The following ZNF670 variants were observed in gnomAD, a reference collection of about 807,000 sequenced individuals.
ZNF670 encodes the protein zinc finger protein 670.
In ZNF670, 7 loss-of-function variants were observed where a neutral mutation model predicts 10.9. The ratio of observed to expected loss-of-function variants is 0.64; its 90% CI spans 0.36 to 1.20. The LOEUF (loss-of-function observed/expected upper bound fraction) is 1.20. Among genes scored for constraint, ZNF670 ranks in the 50% most tolerant of loss-of-function variants. The probability of loss-of-function intolerance (pLI) is 0.02; values close to 1 mark genes in which losing one functional copy is unlikely to be tolerated. For missense variants in ZNF670, 446 were observed against 458.6 expected (o/e 0.97, Z 0.25); for synonymous variants, 136 against 152.7 (o/e 0.89, Z 0.81).
intron 1 of ZNF670, among the ~76,000 whole-genome samples, chr1:247,077,660 G>A (rs554253930): frequency 6.6e-6 from 1 of 152,186 alleles, no homozygotes; most frequent in African/African-American, 2.4e-5. Flanking sequence ...TACAATAAAA[G>A]ACAAATACTT....
At chr1:247,054,461 G>A (rs1437675265) in intron 1 of ZNF670, among the ~76,000 whole-genome samples, 2 of 152,212 alleles carry the variant, frequency 1.3e-5, no homozygotes, top group Admixed American at 1.3e-4. Context: ...TTTGATAAGA[G>A]CTCAGCTCCA....
intron 1 of ZNF670, among the ~76,000 whole-genome samples, chr1:247,045,159 T>C (rs140056674): frequency 6.6e-6 from 1 of 152,278 alleles, no homozygotes; most frequent in East Asian, 1.9e-4. Flanking sequence ...AGTACGTGTA[T>C]AGGAAAAACC....
chr1:247,038,703 GAA>G, intron 3 of ZNF670, 105 bp downstream of exon 3: 3 of 948,970 alleles, frequency 3.2e-6, no homozygotes, highest in Non-Finnish European at 4.6e-6. Flanking sequence ...GACTTTTCTG[GAA>G]AAAAAAAATT....
In ZNF670 at chr1:247,035,482, A is replaced by C. The variant is rs552088563; in HGVS notation, c.*1967T>G. On this transcript the variant is annotated 3_prime_UTR_variant, in exon 4 of 4. Coordinates refer to ENST00000366503, the MANE Select transcript of ZNF670 (RefSeq NM_033213.5). ...TGGTTTGTTTAAATGCATCTGTGGA[A>C]TGGTAGGCAACTGAAATATGTTAGG... Among the ~76,000 whole-genome samples the C allele has an allele frequency of 2.0e-5, 3 of 152,310 alleles. No individual in the cohort carries two copies. Among genetic ancestry groups the C allele is most frequent in the African/African-American group, 7.2e-5 (3 of 41,560 alleles).
At chr1:247,059,832 T>C (rs1240916564) in intron 1 of ZNF670, among the ~76,000 whole-genome samples, 2 of 152,228 alleles carry the variant, frequency 1.3e-5, no homozygotes, top group Non-Finnish European at 1.5e-5. Context: ...GTAAGGTTAA[T>C]ATACAAAAGC....
chr1:247,057,158 A>C (rs1670739433), intron 1 of ZNF670, among the ~76,000 whole-genome samples: 1 of 152,238 alleles, frequency 6.6e-6, no homozygotes, highest in African/African-American at 2.4e-5. Flanking sequence ...AGGAAAAAAA[A>C]TTCTAATAAT....
chr1:247,057,750 A>G (rs1297145048), intron 1 of ZNF670, among the ~76,000 whole-genome samples: 2 of 152,216 alleles, frequency 1.3e-5, no homozygotes, highest in African/African-American at 4.8e-5. Flanking sequence ...CAAACTTCAC[A>G]TGTTCTCACT....
chr1:247,067,399 G>A (rs913633605), intron 1 of ZNF670, among the ~76,000 whole-genome samples: 5 of 139,134 alleles, frequency 3.6e-5, no homozygotes, highest in Non-Finnish European at 6.0e-5. Context: ...TCATGCCATT[G>A]CACTCCAGCC....
intron 1 of ZNF670, among the ~76,000 whole-genome samples, chr1:247,056,115 CAA>C (rs35807997): frequency 1.7e-3 from 245 of 140,782 alleles, no homozygotes; most frequent in Middle Eastern, 3.6e-3. Flanking sequence ...TCTTACAGAC[CAA>C]AAAAAAAAAA....
At chr1:247,065,333 ACT>A (rs1466399223) in intron 1 of ZNF670, among the ~76,000 whole-genome samples, 1 of 152,178 alleles carries the variant, frequency 6.6e-6, no homozygotes, top group Non-Finnish European at 1.5e-5. Context: ...TGAGAGCCAG[ACT>A]CTGCTGAAAT....
chr1:247,078,772 C>A lies in ZNF670; in HGVS notation c.-176G>T. On this transcript the variant is annotated 5_prime_UTR_variant, in exon 1 of 4. Transcript: ENST00000366503. ...GCCCAACACAAAAGCCGCGCCAGGT[C>A]CCGGAAGCTGCTCCCTCCTTTCGCG... is the stretch of plus-strand genomic sequence containing the variant. 1.5e-6 allele frequency: 1 copy of A among 658,246 alleles called. No individual in the cohort carries two copies. Among genetic ancestry groups the A allele is most frequent in the Non-Finnish European group, 2.6e-6 (1 of 387,452 alleles). 40.8% of individuals were successfully genotyped at this position (658,246 alleles called of 1,614,324 possible). A position where few individuals can be genotyped will look rare whatever the true frequency, so the allele number is the denominator to read the frequency against.
intron 1 of ZNF670, among the ~76,000 whole-genome samples, chr1:247,063,440 A>G (rs562445072): frequency 1.7e-4 from 26 of 151,994 alleles, no homozygotes; most frequent in East Asian, 3.9e-4. Context: ...AAAATTAGCC[A>G]GGTGTGGTGG....
intron 1 of ZNF670, among the ~76,000 whole-genome samples, chr1:247,060,962 T>G (rs1670843944): frequency 6.6e-6 from 1 of 152,186 alleles, no homozygotes; most frequent in African/African-American, 2.4e-5. Flanking sequence ...GTATTTCCGC[T>G]GACCATGCAT....
At chr1:247,051,357 T>G (rs772512071) in intron 1 of ZNF670, among the ~76,000 whole-genome samples, 15 of 152,218 alleles carry the variant, frequency 9.9e-5, no homozygotes, top group Non-Finnish European at 1.6e-4. Flanking sequence ...ATAATTTTAT[T>G]TTTCCTTCAT....
At chr1:247,050,720 C>T (rs1007001677) in intron 1 of ZNF670, among the ~76,000 whole-genome samples, 5 of 151,898 alleles carry the variant, frequency 3.3e-5, no homozygotes, top group Non-Finnish European at 7.4e-5. Flanking sequence ...GTGATCTGCC[C>T]GCTTCGGCCT....
At chr1:247,063,124 A>C (rs1283552053) in intron 1 of ZNF670, among the ~76,000 whole-genome samples, 1 of 152,248 alleles carries the variant, frequency 6.6e-6, no homozygotes, top group Non-Finnish European at 1.5e-5. Context: ...TTTTATGTAA[A>C]GTGTTCAGAA....
In ZNF670 at chr1:247,048,178, T is replaced by C. The variant is rs180741761; in HGVS notation, c.4-8641A>G. On this transcript the variant is annotated intron_variant, in intron 1 of 3. Coordinates refer to ENST00000366503, the MANE Select transcript of ZNF670 (RefSeq NM_033213.5). ...CTTTTTTTGAATGCATAAAACTGAATGCTTTTAAGAGCACCCAAGTCACCT... is the reference window on the plus strand; with the variant it reads ...CTTTTTTTGAATGCATAAAACTGAACGCTTTTAAGAGCACCCAAGTCACCT... 4.6e-3 allele frequency among the ~76,000 whole-genome samples: 695 copies of C among 151,960 alleles called. 1 individual carries two copies. Among genetic ancestry groups the C allele is most frequent in the Non-Finnish European group, 7.0e-3 (475 of 67,764 alleles).
chr1:247,071,227 C>T (rs1671106569), intron 1 of ZNF670, among the ~76,000 whole-genome samples: 1 of 152,062 alleles, frequency 6.6e-6, no homozygotes, highest in African/African-American at 2.4e-5. Context: ...ACCTATATGC[C>T]CAGCAACAGT....
At chr1:247,043,184 G>A in intron 1 of ZNF670, 1 of 749,856 alleles carries the variant, frequency 1.3e-6, no homozygotes, top group Non-Finnish European at 2.4e-6. Context: ...CTACGTGCTG[G>A]ACCCTCATGA....
Sources: gnomAD v4.1 joint callset for allele counts (sites outside exome capture counted in the v4.1 genomes callset) on GRCh38, gnomAD v4.1.1 for gene constraint, MANE v1.5 for transcripts, NCBI Gene and HGNC (gene_info 2026-07-23, HGNC 2026-07-21) for gene names.